The following SLC7A11 variants were observed in gnomAD, a reference collection of about 807,000 sequenced individuals.
SLC7A11 encodes cystine/glutamate transporter.
Under a neutral mutation model 54.5 loss-of-function variants are expected in SLC7A11, and 35 were observed. The observed-to-expected ratio is 0.64, with a 90% CI of 0.49 to 0.85. SLC7A11 has a LOEUF of 0.85. SLC7A11 is among the 40% of genes least tolerant of loss of function. The pLI, the probability that SLC7A11 is intolerant of heterozygous loss-of-function variation, is 0.00. For synonymous variants in SLC7A11, 230 were observed against 225.2 expected (o/e 1.02, Z -0.19); for missense variants, 583 against 618.1 (o/e 0.94, Z 0.60).
At chr4:138,218,003 A>T (rs1737720450) in intron 5 of SLC7A11, among the ~76,000 whole-genome samples, 1 of 152,254 alleles carries the variant, frequency 6.6e-6, no homozygotes, top group African/African-American at 2.4e-5. Flanking sequence ...CAAATATTTT[A>T]CACTGATTTC....
At chr4:138,208,825 G>A (rs1442427545) in intron 6 of SLC7A11, among the ~76,000 whole-genome samples, 1 of 152,008 alleles carries the variant, frequency 6.6e-6, no homozygotes, top group Non-Finnish European at 1.5e-5. Context: ...AATAGCAATT[G>A]TTGTATTTGA....
At chr4:138,172,868 G>A (rs527803175) in intron 11 of SLC7A11, among the ~76,000 whole-genome samples, 3 of 152,054 alleles carry the variant, frequency 2.0e-5, no homozygotes, top group South Asian at 2.1e-4. Context: ...TTTTTGAGGC[G>A]GAGTTTCACT....
chr4:138,203,324 C>A (rs1737332262), intron 6 of SLC7A11, among the ~76,000 whole-genome samples: 1 of 151,972 alleles, frequency 6.6e-6, no homozygotes, highest in South Asian at 2.1e-4. Context: ...ATTCCAATGC[C>A]TAACCAAATT....
Position 138,236,357 on chromosome 4 carries a change from A to C in SLC7A11, c.372T>G (p.Phe124Leu). 2 of 1,613,612 alleles carry C rather than the reference A, an allele frequency of 1.2e-6. No individual in the cohort carries two copies. Among genetic ancestry groups the C allele is most frequent in the Non-Finnish European group, 1.7e-6 (2 of 1,179,660 alleles). ...ILEVFGPLPA[F>L]VRVWVELLII... is the part of the protein sequence containing the mutation. Reference sequence around the variant, plus strand: ...TGAGGAGTTCCACCCAGACTCGTACAAAAGCTGGTAATGGACCAAAGACTT... The same window carrying C: ...TGAGGAGTTCCACCCAGACTCGTACCAAAGCTGGTAATGGACCAAAGACTT... The change falls in exon 2 of 12, where the codon TTT (phenylalanine) becomes TTG (leucine). Residue 124 changes from phenylalanine to leucine, a missense_variant. Coordinates refer to ENST00000280612, the MANE Select transcript of SLC7A11 (RefSeq NM_014331.4).
At chr4:138,240,745 G>A (rs1348703764) in intron 1 of SLC7A11, among the ~76,000 whole-genome samples, 1 of 152,082 alleles carries the variant, frequency 6.6e-6, no homozygotes, top group East Asian at 1.9e-4. Context: ...TAGTCCCAGA[G>A]TTAAGACAAA....
At chr4:138,187,517 C>A (rs1736907302) in intron 6 of SLC7A11, among the ~76,000 whole-genome samples, 1 of 152,116 alleles carries the variant, frequency 6.6e-6, no homozygotes, top group South Asian at 2.1e-4. Flanking sequence ...TGCATACACA[C>A]CCTACCTTGA....
chr4:138,217,587 T>C (rs940894057), intron 5 of SLC7A11, among the ~76,000 whole-genome samples: 4 of 152,230 alleles, frequency 2.6e-5, no homozygotes, highest in African/African-American at 9.6e-5. Context: ...TATTTTAAGA[T>C]GGCATGGGAA....
intron 6 of SLC7A11, among the ~76,000 whole-genome samples, chr4:138,214,219 T>C (rs1737625380): frequency 6.6e-6 from 1 of 152,060 alleles, no homozygotes; most frequent in South Asian, 2.1e-4. Flanking sequence ...TTAGAAATAA[T>C]TAACTTTTTG....
rs1440267883 is a variant in SLC7A11, at chr4:138,178,595, C to G, written c.1444+622G>C. 2.6e-5 allele frequency among the ~76,000 whole-genome samples: 4 copies of G among 152,068 alleles called. No individual in the cohort carries two copies. In the East Asian group the frequency reaches 5.8e-4, roughly 22 times the overall value. On this transcript the variant is annotated intron_variant, in intron 11 of 11. Coordinates refer to ENST00000280612, the MANE Select transcript of SLC7A11 (RefSeq NM_014331.4). Reference sequence around the variant, plus strand: ...CAATGGTTGAACTAATTTACATTCCCACCATAGCACATGTATACCTATGTA... The same window carrying G: ...CAATGGTTGAACTAATTTACATTCCGACCATAGCACATGTATACCTATGTA...
chr4:138,181,193 G>A (rs929371746), intron 9 of SLC7A11, among the ~76,000 whole-genome samples: 10 of 152,038 alleles, frequency 6.6e-5, no homozygotes, highest in Admixed American at 6.6e-5. Context: ...AGGCCCAATT[G>A]GAAGATTTAC....
At position 138,183,234 on chromosome 4, in the gene SLC7A11, G is replaced by A. The variant is rs1169860679; in HGVS notation, c.987C>T (p.Gly329=). ...CAGCAAACACACCACCGTTCATGGA[G>A]CCAAAGCAGGAGAGGGCAACAAAGA... ...VPIFVALSCF[G]SMNGGVFAVS... The change falls in exon 8 of 12, where the codon GGC becomes GGT. Residue 329 remains glycine, a synonymous_variant. Transcript: ENST00000280612. The A allele has an allele frequency of 1.2e-6, 2 of 1,612,026 alleles. No homozygotes were observed. The highest frequency in any genetic ancestry group is 1.7e-5 in the Admixed American group (1 of 59,822).
intron 6 of SLC7A11, 62 bp downstream of exon 6, chr4:138,214,523 T>C: frequency 1.0e-6 from 1 of 966,290 alleles, no homozygotes; most frequent in Non-Finnish European, 1.6e-6. Context: ...GTCTGCTTTT[T>C]AAACTATGTA....
Position 138,179,311 on chromosome 4 carries a change from T to A in SLC7A11, c.1350A>T (p.Thr450=). 6.2e-7 allele frequency: 1 copy of A among 1,612,694 alleles called. No individual in the cohort carries two copies. Residue 450 remains threonine, a synonymous_variant, in exon 11 of 12, where the codon ACA becomes ACT. Coordinates refer to ENST00000280612, the MANE Select transcript of SLC7A11 (RefSeq NM_014331.4). The part of the protein sequence containing the change: ...ALSLYSDPFS[T]GIGFVITLTG... ...TCAGAGTGATGACGAAGCCAATCCC[T>A]GTACTAAATGGGTCCGAATAGAGGG...
chr4:138,177,562 C>T (rs1736609061), intron 11 of SLC7A11: 1 of 151,768 alleles, frequency 6.6e-6, no homozygotes. Flanking sequence ...GGGTTCAATT[C>T]CTAGTTCTAT....
intron 1 of SLC7A11, among the ~76,000 whole-genome samples, chr4:138,237,724 TATATATA>T (rs1560742560): frequency 1.5e-3 from 16 of 10,400 alleles, no homozygotes; most frequent in Admixed American, 3.2e-3. Flanking sequence ...TATATATATA[TATATATA>T]TATATATTTT....
At chr4:138,174,838 T>C (rs1018149559) in intron 11 of SLC7A11, 1 of 152,206 alleles carries the variant, frequency 6.6e-6, no homozygotes, top group Non-Finnish European at 1.5e-5. Context: ...GCTTTACCTT[T>C]CATGTTCAGT....
chr4:138,235,641 G>T (rs1738190881), intron 2 of SLC7A11, among the ~76,000 whole-genome samples: 1 of 152,152 alleles, frequency 6.6e-6, no homozygotes, highest in Non-Finnish European at 1.5e-5. Context: ...ACTCTGAAAT[G>T]CTCATATGAC....
rs564510048 is a variant in SLC7A11 at position 138,207,702 on chromosome 4, C to T, written c.791+6883G>A. On this transcript the variant is annotated intron_variant, in intron 6 of 11. Coordinates refer to ENST00000280612, the MANE Select transcript of SLC7A11 (RefSeq NM_014331.4). Reference sequence around the variant, plus strand: ...CTGGGCAGCACAGTAAGTGAGACTCCGTCTCAAAAAATAAAAGGAGAAAGA... The same window carrying T: ...CTGGGCAGCACAGTAAGTGAGACTCTGTCTCAAAAAATAAAAGGAGAAAGA... Among the ~76,000 whole-genome samples the T allele has an allele frequency of 2.0e-4, 30 of 152,058 alleles. 1 individual carries two copies. The highest frequency in any genetic ancestry group is 1.5e-3 in the Admixed American group (23 of 15,262).
In SLC7A11 at chr4:138,181,644, A is replaced by C. The variant is rs558540184; in HGVS notation, c.1116+653T>G. Reference sequence around the variant, plus strand: ...TGACAACAGACTCCAGTTGAGAGAAATGTTACAAAATCATCAGTAAAAATG... The same window carrying C: ...TGACAACAGACTCCAGTTGAGAGAACTGTTACAAAATCATCAGTAAAAATG... On this transcript the variant is annotated intron_variant, in intron 9 of 11. Coordinates refer to ENST00000280612, the MANE Select transcript of SLC7A11 (RefSeq NM_014331.4). Among the ~76,000 whole-genome samples, 42 of 152,252 alleles carry C rather than the reference A, an allele frequency of 2.8e-4. No individual in the cohort carries two copies. The Middle Eastern group carries it at 0.02, about 74-fold the overall frequency.
Sources: allele counts gnomAD v4.1 joint callset (sites outside exome capture counted in the v4.1 genomes callset), GRCh38; gene constraint gnomAD v4.1.1; transcripts MANE v1.5; gene names NCBI Gene and HGNC (gene_info 2026-07-23, HGNC 2026-07-21).